The following CC2D2B variants were observed in gnomAD, a reference collection of about 807,000 sequenced individuals.
The protein encoded by CC2D2B is coiled-coil and C2 domain containing 2B.
In CC2D2B, 128 loss-of-function variants were observed where a neutral mutation model predicts 161.2. That is an observed-to-expected ratio of 0.79 (90% CI 0.69 to 0.92). The LOEUF is 0.92. CC2D2B is among the 40% of genes least tolerant of loss of function. The probability of loss-of-function intolerance (pLI) is 0.00; values close to 1 mark genes in which losing one functional copy is unlikely to be tolerated. For synonymous variants in CC2D2B, 391 were observed against 449.8 expected (o/e 0.87, Z 1.65); for missense variants, 1,173 against 1,375.1 (o/e 0.85, Z 2.32).
At chr10:95,960,158 T>C (rs2076711970) in intron 11 of CC2D2B, among the ~76,000 whole-genome samples, 1 of 152,210 alleles carries the variant, frequency 6.6e-6, no homozygotes, top group African/African-American at 2.4e-5. Flanking sequence ...ACACTGGGCT[T>C]GTCTGACTCC....
intron 23 of CC2D2B, 26 bp downstream of exon 23, chr10:95,995,391 T>A: frequency 9.2e-7 from 1 of 1,086,014 alleles, no homozygotes; most frequent in Non-Finnish European, 1.3e-6. Flanking sequence ...TTCTATAAAG[T>A]ATAATATTGA....
chr10:95,950,795 C>G (rs552721053), intron 10 of CC2D2B, among the ~76,000 whole-genome samples: 1 of 152,114 alleles, frequency 6.6e-6, no homozygotes, highest in Non-Finnish European at 1.5e-5. Flanking sequence ...TCATAAATAT[C>G]TGTTATGAAC....
At chr10:95,984,266 T>C (rs1230870814) in intron 19 of CC2D2B, among the ~76,000 whole-genome samples, 1 of 152,196 alleles carries the variant, frequency 6.6e-6, no homozygotes, top group African/African-American at 2.4e-5. Flanking sequence ...GCCAGCCAGG[T>C]CTAGCACACT....
chr10:95,982,289 T>A (rs1029940877), intron 18 of CC2D2B, among the ~76,000 whole-genome samples, 176 bp downstream of exon 18: 5 of 152,180 alleles, frequency 3.3e-5, no homozygotes, highest in African/African-American at 1.2e-4. Context: ...TAAAGACAAT[T>A]AGAAACTCAG....
chr10:96,004,059 A>G (rs1188271274), intron 24 of CC2D2B, 93 bp from the exon 25 acceptor site: 4 of 717,924 alleles, frequency 5.6e-6, no homozygotes, highest in Non-Finnish European at 9.0e-6. Context: ...AAAACAACAC[A>G]GGTAATTTTA....
chr10:96,002,954 G>A (rs2078566701), intron 24 of CC2D2B, among the ~76,000 whole-genome samples: 1 of 150,864 alleles, frequency 6.6e-6, no homozygotes, highest in Admixed American at 6.6e-5. Flanking sequence ...TGAGGTAGGA[G>A]GATCACTTGA....
intron 9 of CC2D2B, among the ~76,000 whole-genome samples, chr10:95,944,261 C>G (rs1007003418): frequency 1.3e-5 from 2 of 152,144 alleles, no homozygotes; most frequent in Non-Finnish European, 2.9e-5. Context: ...GAGAGACTAG[C>G]AATGTCTCTG....
chr10:95,927,964 A>T (rs2098542566), intron 6 of CC2D2B, among the ~76,000 whole-genome samples: 1 of 151,716 alleles, frequency 6.6e-6, no homozygotes, highest in Non-Finnish European at 1.5e-5. Flanking sequence ...TTGTTCCTGG[A>T]CACTTTCTTC....
intron 11 of CC2D2B, 36 bp downstream of exon 11, chr10:95,955,527 A>G (rs562697666): frequency 4.3e-5 from 17 of 397,868 alleles, no homozygotes; most frequent in Non-Finnish European, 4.9e-5. Flanking sequence ...TCAAGCATTC[A>G]TTAAGTAACT....
chr10:95,965,855 C>T (rs2076924172), intron 12 of CC2D2B, 41 bp from the exon 13 acceptor site: 2 of 665,232 alleles, frequency 3.0e-6, no homozygotes, highest in Non-Finnish European at 4.1e-6. Flanking sequence ...CAAATACCTC[C>T]ATTATTTCTG....
intron 32 of CC2D2B, among the ~76,000 whole-genome samples, chr10:96,023,688 C>T (rs1201763752): frequency 6.6e-6 from 1 of 152,172 alleles, no homozygotes; most frequent in African/African-American, 2.4e-5. Flanking sequence ...CAGTATCTTC[C>T]ATCTCCTACC....
At chr10:95,997,589 A>G (rs1305666244) in intron 24 of CC2D2B, among the ~76,000 whole-genome samples, 1 of 151,862 alleles carries the variant, frequency 6.6e-6, no homozygotes, top group Admixed American at 6.6e-5. Flanking sequence ...GGGTCTCACT[A>G]TGTTGCCCAG....
At position 96,025,172 on chromosome 10, in the gene CC2D2B, TATATATATATATAAAAA is replaced by T. The variant is rs2079667544; in HGVS notation, c.3947+263_3947+279del. Among the ~76,000 whole-genome samples the T allele has an allele frequency of 1.6e-3, 28 of 17,622 alleles. 2 individuals are homozygous for T. The highest frequency in any genetic ancestry group is 5.1e-3 in the African/African-American group (25 of 4,858). 11.6% of individuals were successfully genotyped at this position (17,622 alleles called of 152,430 possible). A position where few individuals can be genotyped will look rare whatever the true frequency, so the allele number is the denominator to read the frequency against. On this transcript the variant is annotated intron_variant, in intron 33 of 34. Transcript: ENST00000646931. ...AAAAAAAAATATATATATATATATA[TATATATATATATAAAAA>T]AAAATATATATATATATATATATAT...
At chr10:95,909,895 C>T (rs1310638933) in intron 1 of CC2D2B, among the ~76,000 whole-genome samples, 1 of 152,196 alleles carries the variant, frequency 6.6e-6, no homozygotes, top group East Asian at 1.9e-4. Context: ...GCCTATAATT[C>T]CAATGCTTTG....
At chr10:95,913,080 T>C (rs2098509395) in intron 2 of CC2D2B, among the ~76,000 whole-genome samples, 1 of 152,116 alleles carries the variant, frequency 6.6e-6, no homozygotes, top group South Asian at 2.1e-4. Flanking sequence ...ATTGTACTTA[T>C]TAACCTTCCC....
intron 19 of CC2D2B, among the ~76,000 whole-genome samples, chr10:95,985,675 G>A (rs982795194): frequency 6.6e-6 from 1 of 152,176 alleles, no homozygotes; most frequent in East Asian, 1.9e-4. Flanking sequence ...CAATGTTCAG[G>A]GAACAAGGGA....
At chr10:95,972,603 C>T (rs1353633014) in intron 16 of CC2D2B, among the ~76,000 whole-genome samples, 1 of 152,172 alleles carries the variant, frequency 6.6e-6, no homozygotes, top group African/African-American at 2.4e-5. Context: ...CGTGAGCCAC[C>T]GCACCTGGCC....
intron 24 of CC2D2B, among the ~76,000 whole-genome samples, chr10:95,999,344 G>A (rs1244031208): frequency 6.6e-6 from 1 of 152,060 alleles, no homozygotes; most frequent in Non-Finnish European, 1.5e-5. Context: ...TTATATGGAT[G>A]TATCACAGTT....
In CC2D2B at chr10:96,016,316, T is replaced by C; in HGVS notation, c.3630+2T>C. Reference sequence around the variant, plus strand: ...CTCTTGGGAACGTCAGTGTTAGAAGTAAGTGCTGGAGTTCATATTGAAATA... The same window carrying C: ...CTCTTGGGAACGTCAGTGTTAGAAGCAAGTGCTGGAGTTCATATTGAAATA... On this transcript the variant is annotated splice_donor_variant, in intron 30 of 34. Transcript: ENST00000646931. LOFTEE classifies it high-confidence loss of function. 1 of 1,547,174 alleles carries C rather than the reference T, an allele frequency of 6.5e-7. No individual in the cohort carries two copies. The highest frequency in any genetic ancestry group is 8.9e-7 in the Non-Finnish European group (1 of 1,119,056).
Sources: gnomAD v4.1 joint callset for allele counts (sites outside exome capture counted in the v4.1 genomes callset) on GRCh38, gnomAD v4.1.1 for gene constraint, MANE v1.5 for transcripts, NCBI Gene and HGNC (gene_info 2026-07-23, HGNC 2026-07-21) for gene names.